The following DNAH8 variants were observed in gnomAD, a reference collection of about 807,000 sequenced individuals.
DNAH8 encodes the protein axonemal beta dynein heavy chain 8.
DNAH8 carries 382 observed loss-of-function variants against 562.1 expected under a neutral mutation model. The ratio of observed to expected loss-of-function variants is 0.68; its 90% confidence interval spans 0.63 to 0.74. The LOEUF is 0.74. DNAH8 is among the 30% of genes least tolerant of loss of function. The pLI is 0.00. For missense variants in DNAH8, 5,203 were observed against 5,620.4 expected (o/e 0.93, Z 2.37); for synonymous variants, 1,881 against 1,919.4 (o/e 0.98, Z 0.52).
At chr6:38,899,713 G>T (rs1779946332) in intron 61 of DNAH8, 63 bp from the exon 62 acceptor site, 2 of 1,583,006 alleles carry the variant, frequency 1.3e-6, no homozygotes, top group African/African-American at 1.3e-5. Flanking sequence ...GGCTCATTTA[G>T]TGCAAGAAAA....
Position 38,908,420 on chromosome 6 carries a change from G to A in DNAH8, c.9513+300G>A, listed in dbSNP as rs1010659175. On this transcript the variant is annotated intron_variant, in intron 64 of 92. Coordinates refer to ENST00000327475, the MANE Select transcript of DNAH8 (RefSeq NM_001206927.2). Reference sequence around the variant, plus strand: ...AACCTCGTCCAGCTCCACCTCCCATGTAGACATATTAGCTTTACTATAATG... The same window carrying A: ...AACCTCGTCCAGCTCCACCTCCCATATAGACATATTAGCTTTACTATAATG... Among the ~76,000 whole-genome samples, 7 of 152,300 alleles carry A rather than the reference G, an allele frequency of 4.6e-5. No individual in the cohort carries two copies. The South Asian group carries it at 1.0e-3, about 23-fold the overall frequency.
Position 38,814,145 on chromosome 6 carries a change from T to A in DNAH8, c.3333+16T>A. 7.3e-7 allele frequency: 1 copy of A among 1,365,644 alleles called. No homozygotes were observed. The highest frequency in any genetic ancestry group is 1.8e-5 in the Admixed American group (1 of 56,824). 84.6% of individuals were successfully genotyped at this position (1,365,644 alleles called of 1,614,324 possible). A position where few individuals can be genotyped will look rare whatever the true frequency, so the allele number is the denominator to read the frequency against. ...TCCTAATGTGGTAAGTATTATTAAA[T>A]ACACTGATAATTTGATAAGGTGCTT... is the stretch of plus-strand genomic sequence containing the variant. On this transcript the variant is annotated intron_variant, in intron 25 of 92. Coordinates refer to ENST00000327475, the MANE Select transcript of DNAH8 (RefSeq NM_001206927.2).
intron 20 of DNAH8, 33 bp downstream of exon 20, chr6:38,790,438 T>C (rs1769621052): frequency 9.7e-7 from 1 of 1,033,254 alleles, no homozygotes; most frequent in African/African-American, 1.6e-5. Flanking sequence ...GCTATCAACA[T>C]ATATACTCAG....
chr6:38,827,481 C>A (rs561663761), intron 29 of DNAH8, among the ~76,000 whole-genome samples: 2 of 152,222 alleles, frequency 1.3e-5, no homozygotes, highest in South Asian at 4.1e-4. Context: ...TGCACTGCCT[C>A]ATTGCCTACA....
At chr6:38,723,512 A>G (rs753007357) in intron 3 of DNAH8, 41 bp downstream of exon 3, 1 of 1,572,368 alleles carries the variant, frequency 6.4e-7, no homozygotes. Context: ...TTGCCCTTTG[A>G]GTAAGTGATT....
At chr6:38,770,689 T>A in intron 12 of DNAH8, 130 bp downstream of exon 12, 1 of 822,698 alleles carries the variant, frequency 1.2e-6, no homozygotes, top group Non-Finnish European at 1.7e-6. Context: ...TGTCTAATAT[T>A]ACTTATAGGT....
intron 87 of DNAH8, among the ~76,000 whole-genome samples, chr6:38,986,606 G>T (rs1029995511): frequency 6.6e-6 from 1 of 152,202 alleles, no homozygotes; most frequent in African/African-American, 2.4e-5. Flanking sequence ...AGTATACTTT[G>T]TTAGAATAAT....
chr6:38,872,418 A>G (rs1777539679), intron 49 of DNAH8, 118 bp from the exon 50 acceptor site: 1 of 1,110,046 alleles, frequency 9.0e-7, no homozygotes, highest in African/African-American at 1.6e-5. Flanking sequence ...ACTTAAAAAT[A>G]GTGAACTAGT....
In DNAH8 at chr6:38,791,634, G is replaced by A; in HGVS notation, c.2861G>A (p.Ser954Asn). The A allele has an allele frequency of 6.2e-7, 1 of 1,614,002 alleles. No individual in the cohort carries two copies. The highest frequency in any genetic ancestry group is 8.5e-7 in the Non-Finnish European group (1 of 1,179,950). The change falls in exon 21 of 93, where the codon AGT becomes AAT. Residue 954 changes from serine to asparagine, a missense_variant. Ser to Asn is a conservative substitution (Grantham distance 46, BLOSUM62 1). Transcript: ENST00000327475. Reference sequence around the variant, plus strand: ...ACTGTGTTGATTTCTCTGCCTGAAAGTGGTGCTACCAAAGTAGAAGATATG... The same window carrying A: ...ACTGTGTTGATTTCTCTGCCTGAAAATGGTGCTACCAAAGTAGAAGATATG... Reference protein sequence around the residue: ...AKTVLISLPESGATKVEDMLT... With the variant: ...AKTVLISLPENGATKVEDMLT...
At chr6:38,888,810 T>G (rs1312286992) in intron 57 of DNAH8, among the ~76,000 whole-genome samples, 1 of 152,224 alleles carries the variant, frequency 6.6e-6, no homozygotes, top group Non-Finnish European at 1.5e-5. Flanking sequence ...CTACAAACCC[T>G]TTGGATAACA....
rs367690985 is a variant in DNAH8, at chr6:38,815,582, A to G, written c.3448A>G (p.Lys1150Glu). 6.2e-7 allele frequency: 1 copy of G among 1,614,038 alleles called. No individual in the cohort carries two copies. Reference protein sequence around the residue: ...HWGQQQIRPIKSVIPSPTTTD... With the variant: ...HWGQQQIRPIESVIPSPTTTD... Reference sequence around the variant, plus strand: ...GGGGCAACAGCAAATCCGTCCCATCAAGTCTGTCATTCCCAGCCCCACCAC... The same window carrying G: ...GGGGCAACAGCAAATCCGTCCCATCGAGTCTGTCATTCCCAGCCCCACCAC... The change falls in exon 26 of 93, where the codon AAG becomes GAG. Residue 1150 changes from lysine to glutamate, a missense_variant. By Grantham distance (56) the Lys-to-Glu change is moderately conservative (BLOSUM62 1). Coordinates refer to ENST00000327475, the MANE Select transcript of DNAH8 (RefSeq NM_001206927.2).
chr6:38,917,908 A>C lies in DNAH8; in HGVS notation c.10309-17A>C, dbSNP rs1246194470. On this transcript the variant is annotated splice_polypyrimidine_tract_variant and intron_variant, in intron 69 of 92. Transcript: ENST00000327475. Reference sequence around the variant, plus strand: ...TATTTTCTTCCAGAACTTACAGGTTATAATACTATTTTTCAGTTGATGAGT... The same window carrying C: ...TATTTTCTTCCAGAACTTACAGGTTCTAATACTATTTTTCAGTTGATGAGT... 7 of 1,585,552 alleles carry C rather than the reference A, an allele frequency of 4.4e-6. No individual in the cohort carries two copies. The Middle Eastern group carries it at 6.2e-4, about 140-fold the overall frequency.
rs1180625791 is a variant in DNAH8, at chr6:38,949,551, C to T, written c.12229C>T (p.His4077Tyr). 6.2e-7 allele frequency: 1 copy of T among 1,600,382 alleles called. No individual in the cohort carries two copies. The highest frequency in any genetic ancestry group is 1.1e-5 in the South Asian group (1 of 90,788). Residue 4077 changes from histidine (H) to tyrosine (Y), a missense_variant, in exon 81 of 93, where the codon CAT (histidine) becomes TAT (tyrosine). This residue lies in a region of DNAH8 where 1,399 missense variants were observed against 1,518.4 expected (regional missense o/e 0.92). Coordinates refer to ENST00000327475, the MANE Select transcript of DNAH8 (RefSeq NM_001206927.2). ...DGYNDSLDTCHKLLLIRSWCP... is the reference protein window; with the variant it reads ...DGYNDSLDTCYKLLLIRSWCP... Reference sequence around the variant, plus strand: ...ATATAATGATTCACTAGATACCTGCCATAAACTTTTACTTATCAGGTGAGA... The same window carrying T: ...ATATAATGATTCACTAGATACCTGCTATAAACTTTTACTTATCAGGTGAGA...
Position 38,926,218 on chromosome 6 carries a change from GC to G in DNAH8, c.11118+9del. 1 of 1,612,238 alleles carries G rather than the reference GC, an allele frequency of 6.2e-7. No individual in the cohort carries two copies. Among genetic ancestry groups the G allele is most frequent in the Non-Finnish European group, 8.5e-7 (1 of 1,179,096 alleles). On this transcript the variant is annotated intron_variant, in intron 74 of 92. Coordinates refer to ENST00000327475, the MANE Select transcript of DNAH8 (RefSeq NM_001206927.2). The stretch of plus-strand genomic sequence containing the variant: ...AAAGAAAATGATTTACAGGTATGTA[GC>G]ATTTGGTGCAGGGGAAAGTAATCTT...
At chr6:38,812,060 A>G (rs1485481459) in intron 24 of DNAH8, among the ~76,000 whole-genome samples, 1 of 152,240 alleles carries the variant, frequency 6.6e-6, no homozygotes, top group African/African-American at 2.4e-5. Context: ...TTTGTCTTGC[A>G]GCATCATCTG....
At chr6:38,921,123 A>G (rs112026719) in intron 70 of DNAH8, among the ~76,000 whole-genome samples, 3 of 152,126 alleles carry the variant, frequency 2.0e-5, no homozygotes, top group Non-Finnish European at 4.4e-5. Flanking sequence ...AACTGGGCTC[A>G]AGTGATCCTC....
At chr6:38,854,026 G>A (rs1451965682) in intron 41 of DNAH8, among the ~76,000 whole-genome samples, 1 of 146,910 alleles carries the variant, frequency 6.8e-6, no homozygotes. Flanking sequence ...GTAAGTGCAC[G>A]TGTGTGTGTG....
intron 62 of DNAH8, among the ~76,000 whole-genome samples, chr6:38,905,625 T>C (rs1396504397): frequency 6.6e-6 from 1 of 152,234 alleles, no homozygotes; most frequent in Non-Finnish European, 1.5e-5. Flanking sequence ...AATCTGTTGC[T>C]GAGGACTGTC....
At chr6:38,907,587 G>A (rs1780576643) in intron 63 of DNAH8, among the ~76,000 whole-genome samples, 1 of 152,158 alleles carries the variant, frequency 6.6e-6, no homozygotes, top group Admixed American at 6.5e-5. Flanking sequence ...CTACACCATG[G>A]TATACAGATG....
Sources: gnomAD v4.1 joint callset for allele counts (sites outside exome capture counted in the v4.1 genomes callset) on GRCh38, gnomAD v4.1.1 for gene constraint, gnomAD v4.1.1 regional missense constraint, MANE v1.5 for transcripts, NCBI Gene and HGNC (gene_info 2026-07-23, HGNC 2026-07-21) for gene names.